Variants in RTL4 observed in about 807,000 individuals in gnomAD.
The protein encoded by RTL4 is retrotransposon Gag like 4.
In RTL4, 4 loss-of-function variants were observed where a neutral mutation model predicts 5.3. The ratio of observed to expected loss-of-function variants is 0.75; its 90% CI spans 0.37 to 1.72. The LOEUF is 1.72. Among genes scored for constraint, RTL4 ranks in the 40% most tolerant of loss-of-function variants. The pLI is 0.04. For synonymous variants in RTL4, 98 were observed against 87.3 expected (o/e 1.12, Z -0.68); for missense variants, 260 against 227.1 (o/e 1.14, Z -0.93).
At chrX:112,160,483 G>A in the RTL4 span, among the ~76,000 whole-genome samples, 1 of 112,203 alleles carries the variant, frequency 8.9e-6, no homozygotes, top group Non-Finnish European at 1.9e-5. Context: ...AGATGTATGA[G>A]ATAAATCAGT....
At chrX:112,179,799 C>T in the RTL4 span, among the ~76,000 whole-genome samples, 15 of 111,835 alleles carry the variant, frequency 1.3e-4, no homozygotes, top group African/African-American at 4.9e-4. Context: ...AGGGATATGA[C>T]ATTTAAAAAT....
the RTL4 span, among the ~76,000 whole-genome samples, chrX:112,409,368 T>C: frequency 3.6e-5 from 4 of 111,882 alleles, no homozygotes; most frequent in Non-Finnish European, 7.5e-5. Flanking sequence ...TTATAAGGTG[T>C]TATTTGCAAG....
At chrX:112,279,074 A>T in the RTL4 span, among the ~76,000 whole-genome samples, 2 of 110,966 alleles carry the variant, frequency 1.8e-5, no homozygotes, top group Admixed American at 9.6e-5. Flanking sequence ...CAATAAGAAA[A>T]CTGAAGGACT....
the RTL4 span, among the ~76,000 whole-genome samples, chrX:112,397,285 T>C: frequency 6.6e-4 from 74 of 112,261 alleles, no homozygotes; most frequent in African/African-American, 2.3e-3. Flanking sequence ...TCTAGATTAC[T>C]TAAAATACCT....
the RTL4 span, among the ~76,000 whole-genome samples, chrX:112,170,602 A>G: frequency 8.9e-6 from 1 of 112,009 alleles, no homozygotes; most frequent in Non-Finnish European, 1.9e-5. Context: ...TTGATTTTGT[A>G]TCTTGAGACT....
chrX:112,188,791 C>T, the RTL4 span, among the ~76,000 whole-genome samples: 1 of 111,191 alleles, frequency 9.0e-6, no homozygotes, highest in Non-Finnish European at 1.9e-5. Context: ...CCCCCGCCTC[C>T]CATTTTCCTA....
chrX:112,293,587 T>C, the RTL4 span, among the ~76,000 whole-genome samples: 281 of 112,200 alleles, frequency 2.5e-3, no homozygotes, highest in African/African-American at 8.5e-3. Flanking sequence ...ATTGACTACC[T>C]TGGGGAAGAT....
the RTL4 span, among the ~76,000 whole-genome samples, chrX:112,207,015 A>G: frequency 3.6e-5 from 4 of 111,758 alleles, no homozygotes; most frequent in Non-Finnish European, 7.5e-5. Context: ...CTGAAGGTGT[A>G]TCCCACATGT....
At chrX:112,358,881 T>A in the RTL4 span, among the ~76,000 whole-genome samples, 1 of 111,916 alleles carries the variant, frequency 8.9e-6, no homozygotes. Context: ...TGGTGATTCA[T>A]TTAGGCCAAT....
the RTL4 span, among the ~76,000 whole-genome samples, chrX:112,373,897 T>C: frequency 1.8e-5 from 2 of 110,948 alleles, no homozygotes; most frequent in South Asian, 7.6e-4. Context: ...TGTTTCTTTA[T>C]TCTTTTCTTT....
the RTL4 span, among the ~76,000 whole-genome samples, chrX:112,173,069 G>A: frequency 9.1e-6 from 1 of 109,714 alleles, no homozygotes; most frequent in Non-Finnish European, 1.9e-5. Context: ...TAATACCTAA[G>A]TGATAGGTTC....
the RTL4 span, among the ~76,000 whole-genome samples, chrX:112,127,009 C>T: frequency 8.9e-6 from 1 of 112,009 alleles, no homozygotes. Context: ...GAAAAATTAA[C>T]ACCAATCCTT....
chrX:112,373,461 T>C, the RTL4 span, among the ~76,000 whole-genome samples: 1 of 111,373 alleles, frequency 9.0e-6, no homozygotes, highest in Non-Finnish European at 1.9e-5. Flanking sequence ...GTGTTCATCT[T>C]TTTCATATTG....
the RTL4 span, among the ~76,000 whole-genome samples, chrX:112,161,051 T>C: frequency 1.8e-5 from 2 of 111,660 alleles, no homozygotes; most frequent in African/African-American, 6.5e-5. Flanking sequence ...AAATTTTAAA[T>C]GTCTCACAGT....
At chrX:112,399,592 T>C in the RTL4 span, among the ~76,000 whole-genome samples, 1 of 111,700 alleles carries the variant, frequency 9.0e-6, no homozygotes, top group South Asian at 3.7e-4. Flanking sequence ...AATGTTGTTA[T>C]CTAGTTTCCA....
the RTL4 span, among the ~76,000 whole-genome samples, chrX:112,267,092 A>G: frequency 2.7e-5 from 3 of 111,217 alleles, no homozygotes; most frequent in East Asian, 2.8e-4. Flanking sequence ...TACTGTTATC[A>G]CTCACATCTT....
chrX:112,396,192 G>A, the RTL4 span, among the ~76,000 whole-genome samples: 6 of 110,816 alleles, frequency 5.4e-5, no homozygotes, highest in Non-Finnish European at 9.4e-5. Flanking sequence ...GCATGTCAGC[G>A]AATTTCAGCA....
the RTL4 span, among the ~76,000 whole-genome samples, chrX:112,304,173 C>G: frequency 1.8e-5 from 2 of 110,732 alleles, no homozygotes; most frequent in Non-Finnish European, 3.8e-5. Flanking sequence ...TTTTGTGGCT[C>G]TCAGGCCACT....
the RTL4 span, among the ~76,000 whole-genome samples, chrX:112,184,814 TA>T: frequency 2.7e-5 from 3 of 112,137 alleles, no homozygotes; most frequent in Non-Finnish European, 5.6e-5. Context: ...GATTTATGAC[TA>T]GGTAAAGCAG....
Sources: gnomAD v4.1 joint callset for allele counts (sites outside exome capture counted in the v4.1 genomes callset) on GRCh38, gnomAD v4.1.1 for gene constraint, MANE v1.5 for transcripts, NCBI Gene and HGNC (gene_info 2026-07-23, HGNC 2026-07-21) for gene names.